PEAK1: variants seen among roughly 807,000 people sequenced by gnomAD.
The protein encoded by PEAK1 is pseudopodium enriched atypical kinase 1, also known as inactive tyrosine-protein kinase PEAK1.
In PEAK1, 54 loss-of-function variants were observed where a neutral mutation model predicts 124.7. The ratio of observed to expected loss-of-function variants is 0.43; its 90% CI spans 0.35 to 0.54. PEAK1 has a LOEUF of 0.54. PEAK1 is among the 20% of genes least tolerant of loss of function. PEAK1 has a pLI of 0.01. For synonymous variants in PEAK1, 719 were observed against 760.0 expected (o/e 0.95, Z 0.89); for missense variants, 2,046 against 2,134.5 (o/e 0.96, Z 0.82).
At chr15:77,306,422 C>T (rs970147601) in intron 2 of PEAK1, among the ~76,000 whole-genome samples, 1 of 152,026 alleles carries the variant, frequency 6.6e-6, no homozygotes, top group Admixed American at 6.6e-5. Flanking sequence ...ACACTATTTC[C>T]TGGATAAGGC....
chr15:77,283,547 C>G (rs995512156), intron 5 of PEAK1, among the ~76,000 whole-genome samples: 1 of 152,044 alleles, frequency 6.6e-6, no homozygotes, highest in African/African-American at 2.4e-5. Flanking sequence ...AAAAGTTACA[C>G]AGTTGTAGCT....
intron 6 of PEAK1, among the ~76,000 whole-genome samples, chr15:77,194,012 G>A (rs1018465519): frequency 3.3e-5 from 5 of 151,984 alleles, no homozygotes; most frequent in Non-Finnish European, 7.4e-5. Flanking sequence ...TCCAGACTTC[G>A]GCTGCCTACT....
intron 5 of PEAK1, among the ~76,000 whole-genome samples, chr15:77,276,574 G>C (rs2152960336): frequency 6.6e-6 from 1 of 151,786 alleles, no homozygotes; most frequent in Non-Finnish European, 1.5e-5. Flanking sequence ...TGCTCTAAAA[G>C]AATAAAGAAA....
intron 2 of PEAK1, among the ~76,000 whole-genome samples, chr15:77,310,001 A>T (rs927679673): frequency 6.6e-6 from 1 of 152,190 alleles, no homozygotes; most frequent in African/African-American, 2.4e-5. Context: ...TCATTTCACA[A>T]ACAGTGCTAA....
chr15:77,177,018 T>C (rs2056923105), intron 7 of PEAK1, among the ~76,000 whole-genome samples: 1 of 152,064 alleles, frequency 6.6e-6, no homozygotes, highest in South Asian at 2.1e-4. Context: ...AGTGCAATGG[T>C]GTGATCTTGG....
At chr15:77,282,514 G>T (rs1289390838) in intron 5 of PEAK1, among the ~76,000 whole-genome samples, 3 of 152,094 alleles carry the variant, frequency 2.0e-5, no homozygotes, top group African/African-American at 7.3e-5. Flanking sequence ...CGTGTACAAA[G>T]GGAATGCTTT....
At chr15:77,397,877 TG>T (rs1224522763) in intron 1 of PEAK1, among the ~76,000 whole-genome samples, 1 of 151,584 alleles carries the variant, frequency 6.6e-6, no homozygotes, top group African/African-American at 2.4e-5. Flanking sequence ...CTGACCAACA[TG>T]GACAAACCCC....
chr15:77,266,497 C>G (rs2061740202), intron 5 of PEAK1, among the ~76,000 whole-genome samples: 1 of 152,054 alleles, frequency 6.6e-6, no homozygotes, highest in Non-Finnish European at 1.5e-5. Flanking sequence ...TGCCAGGATA[C>G]TATTTAAAGA....
intron 2 of PEAK1, chr15:77,345,743 T>G (rs956739162): frequency 1.5e-5 from 4 of 272,482 alleles, no homozygotes; most frequent in Non-Finnish European, 2.2e-5. Context: ...TAATTTTTTT[T>G]GTATTCCCAA....
At chr15:77,318,921 G>C (rs952454235) in intron 2 of PEAK1, among the ~76,000 whole-genome samples, 1 of 151,900 alleles carries the variant, frequency 6.6e-6, no homozygotes, top group South Asian at 2.1e-4. Context: ...CCTGAACCAC[G>C]AACCACCTAA....
chr15:77,115,053 C>T lies in PEAK1; in HGVS notation c.4344G>A (p.Gln1448=), dbSNP rs1451485891. The change falls in exon 10 of 10, where the codon CAG becomes CAA. Residue 1448 remains glutamine (Q), a synonymous_variant. Transcript: ENST00000682557. ...SEAASSQKEN[Q]GVMSKKQRSH... ...TCCTCTGCTTCTTGCTCATGACTCC[C>T]TGATTCTCTTTCTGGGATGATGCTG... 11 of 1,614,024 alleles carry T rather than the reference C, an allele frequency of 6.8e-6. No homozygotes were observed. Among genetic ancestry groups the T allele is most frequent in the Non-Finnish European group, 9.3e-6 (11 of 1,180,036 alleles).
In PEAK1 at chr15:77,338,633, T is replaced by C. The variant is rs2066342695; in HGVS notation, c.-603+26530A>G. ...AAAACATACACCACATGAAAAATCT[T>C]TAAAAAAAAAAATATATATATATAT... On this transcript the variant is annotated intron_variant, in intron 2 of 9. Transcript: ENST00000682557. Among the ~76,000 whole-genome samples the C allele has an allele frequency of 5.2e-5, 3 of 58,066 alleles. No homozygotes were observed. The South Asian group carries it at 2.1e-3, about 40-fold the overall frequency. The allele number at this position is 58,066 out of a possible 152,430, so 38.1% of individuals were successfully genotyped here. A position where few individuals can be genotyped will look rare whatever the true frequency, so the allele number is the denominator to read the frequency against.
intron 8 of PEAK1, among the ~76,000 whole-genome samples, chr15:77,135,547 A>T (rs1019718692): frequency 6.6e-6 from 1 of 152,226 alleles, no homozygotes; most frequent in African/African-American, 2.4e-5. Flanking sequence ...GTGGGCAATT[A>T]TAACACAATG....
intron 1 of PEAK1, among the ~76,000 whole-genome samples, chr15:77,415,828 C>T (rs2072835389): frequency 6.6e-6 from 1 of 152,156 alleles, no homozygotes; most frequent in Non-Finnish European, 1.5e-5. Flanking sequence ...GTCTCCCACG[C>T]CCACCAAACA....
intron 2 of PEAK1, among the ~76,000 whole-genome samples, chr15:77,326,934 G>A (rs568632571): frequency 6.6e-6 from 1 of 152,110 alleles, no homozygotes; most frequent in African/African-American, 2.4e-5. Context: ...TCCCAAAAGG[G>A]CCCACTATTA....
intron 6 of PEAK1, among the ~76,000 whole-genome samples, chr15:77,199,449 AAG>A (rs2058258573): frequency 6.6e-6 from 1 of 152,194 alleles, no homozygotes; most frequent in African/African-American, 2.4e-5. Flanking sequence ...AACATTGTGA[AAG>A]AGAGCTCTGA....
At chr15:77,206,479 C>T (rs1468668807) in intron 6 of PEAK1, among the ~76,000 whole-genome samples, 3 of 148,496 alleles carry the variant, frequency 2.0e-5, no homozygotes, top group Middle Eastern at 3.6e-3. Context: ...CACATCCTCT[C>T]CAGCACCTGT....
At chr15:77,350,955 C>A in intron 2 of PEAK1, 1 of 985,056 alleles carries the variant, frequency 1.0e-6, no homozygotes, top group Non-Finnish European at 1.2e-6. Context: ...CCATTAATTA[C>A]ACTCTTCATT....
At chr15:77,244,622 T>C (rs1174510885) in intron 6 of PEAK1, among the ~76,000 whole-genome samples, 2 of 151,982 alleles carry the variant, frequency 1.3e-5, no homozygotes, top group African/African-American at 2.4e-5. Context: ...AGACTCTTGC[T>C]CTGTCACCCA....
Sources: allele counts gnomAD v4.1 joint callset (sites outside exome capture counted in the v4.1 genomes callset), GRCh38; gene constraint gnomAD v4.1.1; transcripts MANE v1.5; gene names NCBI Gene and HGNC (gene_info 2026-07-23, HGNC 2026-07-21).